The following DIP2C variants were observed in gnomAD, a reference collection of about 807,000 sequenced individuals.
The protein encoded by DIP2C is disco-interacting protein 2 homolog C.
DIP2C carries 33 observed loss-of-function variants against 192.4 expected under a neutral mutation model. That is an observed-to-expected ratio of 0.17 (90% confidence interval 0.13 to 0.23). DIP2C has a LOEUF of 0.23. Ranked by LOEUF, DIP2C falls within the 10% of genes least tolerant of loss-of-function variation. The pLI is 1.00. For synonymous variants in DIP2C, 979 were observed against 864.1 expected, an observed-to-expected ratio of 1.13 and a Z score of -2.33; for missense variants, 1,537 against 2,110.1, an observed-to-expected ratio of 0.73 and a Z score of 5.32.
At position 675,330 on chromosome 10, in the gene DIP2C, TA is replaced by T. The variant is rs752473223; in HGVS notation, c.85+14163del. On this transcript the variant is annotated intron_variant, in intron 1 of 36. Transcript: ENST00000280886. ...AGTTTATAGCAATAAACTCCTACAT[TA>T]AAAAAAAGATTTAAAATAAACAACC... Among the ~76,000 whole-genome samples, 21 of 151,486 alleles carry T rather than the reference TA, an allele frequency of 1.4e-4. No individual in the cohort carries two copies. The East Asian group carries it at 1.7e-3, about 13-fold the overall frequency.
chr10:600,616 G>A (rs895136760), intron 1 of DIP2C, among the ~76,000 whole-genome samples: 7 of 143,904 alleles, frequency 4.9e-5, no homozygotes, highest in South Asian at 2.2e-4. Context: ...GAGGGTTTCC[G>A]GATGCTCCTC....
In DIP2C at chr10:388,964, G is replaced by A. The variant is rs181097613; in HGVS notation, c.1597+1027C>T. On this transcript the variant is annotated intron_variant, in intron 13 of 36. Transcript: ENST00000280886. ...TCTCAGGGACATGGGGGGGTTCTCT[G>A]GAGTCTCAAGGGGCCTCGGGGCATC... Among the ~76,000 whole-genome samples the A allele has an allele frequency of 2.0e-5, 3 of 151,756 alleles. No individual in the cohort carries two copies. The East Asian group carries it at 5.9e-4, about 30-fold the overall frequency.
At chr10:361,599 A>G (rs1289546925) in intron 22 of DIP2C, among the ~76,000 whole-genome samples, 2 of 152,132 alleles carry the variant, frequency 1.3e-5, no homozygotes, top group Non-Finnish European at 1.5e-5. Context: ...CTGGGTTGAG[A>G]GTGTCTGACA....
chr10:514,496 G>A (rs2130787924), intron 1 of DIP2C, among the ~76,000 whole-genome samples: 1 of 152,312 alleles, frequency 6.6e-6, no homozygotes, highest in South Asian at 2.1e-4. Context: ...TCACCAGAGG[G>A]TTCTGAGGCA....
intron 1 of DIP2C, among the ~76,000 whole-genome samples, chr10:504,405 C>T (rs533193389): frequency 6.6e-5 from 10 of 152,338 alleles, no homozygotes; most frequent in African/African-American, 2.2e-4. Context: ...CACGAACTAC[C>T]TGGAAGTCCT....
At chr10:525,357 C>T (rs975543458) in intron 1 of DIP2C, among the ~76,000 whole-genome samples, 2 of 152,142 alleles carry the variant, frequency 1.3e-5, no homozygotes, top group African/African-American at 4.8e-5. Context: ...CACATGAAAT[C>T]CCTCTGGATT....
rs745675676 is a variant in DIP2C at position 344,990 on chromosome 10, A to C, written c.3343+9T>G. On this transcript the variant is annotated intron_variant, in intron 27 of 36. Coordinates refer to ENST00000280886, the MANE Select transcript of DIP2C (RefSeq NM_014974.3). ...TGAGCAAACCACCTTCTGCAGCTAA[A>C]GCACCAACCTGTGTCCAGGATGAGG... The C allele has an allele frequency of 6.2e-7, 1 of 1,611,286 alleles. No homozygotes were observed. Among genetic ancestry groups the C allele is most frequent in the Non-Finnish European group, 8.5e-7 (1 of 1,179,266 alleles).
At chr10:530,653 T>TAAAAAAA (rs59344971) in intron 1 of DIP2C, among the ~76,000 whole-genome samples, 26 of 106,082 alleles carry the variant, frequency 2.5e-4, no homozygotes, top group African/African-American at 4.2e-4. Context: ...CCCTATCTCT[T>TAAAAAAA]AAAAAAAAAA....
At chr10:500,833 C>T (rs1261096836) in intron 1 of DIP2C, among the ~76,000 whole-genome samples, 1 of 152,188 alleles carries the variant, frequency 6.6e-6, no homozygotes, top group East Asian at 1.9e-4. Context: ...GATGTCTCCC[C>T]CCATAGGTTT....
At chr10:387,487 T>TG (rs1963054323) in intron 14 of DIP2C, among the ~76,000 whole-genome samples, 1 of 90,804 alleles carries the variant, frequency 1.1e-5, no homozygotes, top group Non-Finnish European at 2.1e-5. Flanking sequence ...GGACAGGCAG[T>TG]GCGGGCGGCG....
At chr10:588,363 A>G (rs1851206187) in intron 1 of DIP2C, among the ~76,000 whole-genome samples, 1 of 152,256 alleles carries the variant, frequency 6.6e-6, no homozygotes, top group Non-Finnish European at 1.5e-5. Context: ...GAGTCAAATC[A>G]GTGCTGCTCA....
At chr10:571,086 G>A (rs975893265) in intron 1 of DIP2C, among the ~76,000 whole-genome samples, 42 of 152,354 alleles carry the variant, frequency 2.8e-4, no homozygotes, top group Middle Eastern at 3.4e-3. Context: ...TACAGGATCT[G>A]AAGCTGGCCG....
chr10:361,163 AATAT>A (rs1002437046), intron 22 of DIP2C, among the ~76,000 whole-genome samples: 3 of 152,144 alleles, frequency 2.0e-5, no homozygotes, highest in African/African-American at 7.2e-5. Context: ...TGAGACACTA[AATAT>A]ATATATACTA....
chr10:424,771 C>T (rs1434024284), intron 4 of DIP2C, among the ~76,000 whole-genome samples: 1 of 152,186 alleles, frequency 6.6e-6, no homozygotes, highest in Non-Finnish European at 1.5e-5. Flanking sequence ...GGAGCACAAC[C>T]ATCTCCCCAG....
At chr10:654,772 T>C (rs1365286101) in intron 1 of DIP2C, among the ~76,000 whole-genome samples, 1 of 152,220 alleles carries the variant, frequency 6.6e-6, no homozygotes, top group Non-Finnish European at 1.5e-5. Flanking sequence ...CTGGTGGTTA[T>C]ACTCTGTAGT....
At chr10:531,232 A>G (rs1035617395) in intron 1 of DIP2C, among the ~76,000 whole-genome samples, 2 of 152,028 alleles carry the variant, frequency 1.3e-5, no homozygotes, top group Non-Finnish European at 2.9e-5. Context: ...CAGACATTCC[A>G]CAATCCCGAT....
chr10:311,500 G>A, intron 31 of DIP2C: 1 of 1,232,350 alleles, frequency 8.1e-7, no homozygotes, highest in Non-Finnish European at 1.0e-6. Flanking sequence ...GGGCTGGGCA[G>A]GGAGGCACGG....
chr10:392,225 G>A (rs1279604310), intron 10 of DIP2C, among the ~76,000 whole-genome samples: 1 of 152,184 alleles, frequency 6.6e-6, no homozygotes, highest in Non-Finnish European at 1.5e-5. Context: ...GGCGACATCA[G>A]CTTCTGCAGC....
chr10:425,368 GGAT>G (rs1312811440), intron 4 of DIP2C, among the ~76,000 whole-genome samples: 7 of 131,320 alleles, frequency 5.3e-5, no homozygotes, highest in African/African-American at 1.8e-4. Context: ...AATATGACAC[GGAT>G]GATACGGCAT....
Sources: gnomAD v4.1 joint callset for allele counts (sites outside exome capture counted in the v4.1 genomes callset) on GRCh38, gnomAD v4.1.1 for gene constraint, MANE v1.5 for transcripts, NCBI Gene and HGNC (gene_info 2026-07-23, HGNC 2026-07-21) for gene names.